Variants in CTNNA2 observed in about 807,000 individuals in gnomAD.
CTNNA2 encodes the protein catenin alpha-2.
CTNNA2 carries 42 observed loss-of-function variants against 101.0 expected under a neutral mutation model. The ratio of observed to expected loss-of-function variants is 0.42; its 90% CI spans 0.32 to 0.54. CTNNA2 has a LOEUF of 0.54. CTNNA2 is among the 20% of genes least tolerant of loss of function. CTNNA2 has a pLI of 0.14. For synonymous variants in CTNNA2, 450 were observed against 456.4 expected (o/e 0.99, Z 0.18); for missense variants, 871 against 1,223.1 (o/e 0.71, Z 4.29).
intron 4 of CTNNA2, among the ~76,000 whole-genome samples, chr2:79,402,952 A>G (rs1447840897): frequency 2.6e-5 from 4 of 151,894 alleles, no homozygotes; most frequent in Admixed American, 6.6e-5. Flanking sequence ...AAGTTATGGG[A>G]TGCAGCCAAA....
At chr2:80,621,017 A>G (rs1316311094) in intron 18 of CTNNA2, among the ~76,000 whole-genome samples, 1 of 151,938 alleles carries the variant, frequency 6.6e-6, no homozygotes, top group Non-Finnish European at 1.5e-5. Context: ...TTAATTTTAA[A>G]ATACATACAT....
intron 6 of CTNNA2, among the ~76,000 whole-genome samples, chr2:79,875,834 C>A (rs1682981739): frequency 1.3e-5 from 2 of 151,744 alleles, no homozygotes; most frequent in Non-Finnish European, 2.9e-5. Context: ...CAGCGAGCAA[C>A]TGAAAATTCA....
At chr2:80,099,082 C>T (rs374039341) in intron 7 of CTNNA2, among the ~76,000 whole-genome samples, 4 of 151,938 alleles carry the variant, frequency 2.6e-5, no homozygotes, top group East Asian at 2.0e-4. Flanking sequence ...AGAAATCACC[C>T]GTCTTCTGCG....
chr2:79,739,369 T>A (rs1432518146), intron 2 of CTNNA2, among the ~76,000 whole-genome samples: 1 of 152,218 alleles, frequency 6.6e-6, no homozygotes, highest in African/African-American at 2.4e-5. Flanking sequence ...TTATGATGTA[T>A]CTTAAAGAAA....
chr2:79,677,547 C>G (rs1683268686), intron 2 of CTNNA2, among the ~76,000 whole-genome samples: 1 of 152,142 alleles, frequency 6.6e-6, no homozygotes, highest in Non-Finnish European at 1.5e-5. Context: ...CATGACAGCC[C>G]ACTTAGTATC....
At position 79,390,590 on chromosome 2, in the gene CTNNA2, TA is replaced by T. The variant is rs374280286; in HGVS notation, c.-135+16579del. 1.2e-4 allele frequency among the ~76,000 whole-genome samples: 18 copies of T among 152,304 alleles called. No individual in the cohort carries two copies. In the East Asian group the frequency reaches 1.7e-3, roughly 15 times the overall value. ...CAGCTTGATGTGGCTGCCACTTTAG[TA>T]ACACTTCAACATTGTTCAGTGGCGT... On this transcript the variant is annotated intron_variant, in intron 4 of 21. Coordinates refer to the CTNNA2 transcript ENST00000466387.
intron 3 of CTNNA2, among the ~76,000 whole-genome samples, chr2:79,814,611 A>ACG (rs1238274898): frequency 1.5e-5 from 2 of 134,676 alleles, no homozygotes; most frequent in African/African-American, 6.1e-5. Context: ...GTGTGTATAC[A>ACG]CACACACACA....
chr2:80,473,007 C>T (rs1685430299), intron 9 of CTNNA2, among the ~76,000 whole-genome samples: 1 of 152,106 alleles, frequency 6.6e-6, no homozygotes, highest in African/African-American at 2.4e-5. Context: ...CCCTTAAAGG[C>T]ATCACACAGT....
chr2:80,563,385 C>T (rs1352874511), intron 12 of CTNNA2, among the ~76,000 whole-genome samples: 6 of 152,178 alleles, frequency 3.9e-5, no homozygotes, highest in African/African-American at 1.4e-4. Flanking sequence ...TTTGGAAGCA[C>T]ATGTGGTACA....
intron 8 of CTNNA2, among the ~76,000 whole-genome samples, chr2:80,394,961 A>G (rs1299432437): frequency 7.2e-6 from 1 of 139,596 alleles, no homozygotes; most frequent in African/African-American, 3.3e-5. Context: ...CCTTGGTCTC[A>G]GTAGTGATTA....
intron 7 of CTNNA2, among the ~76,000 whole-genome samples, chr2:79,983,837 T>A (rs1235841964): frequency 2.0e-5 from 3 of 152,174 alleles, no homozygotes; most frequent in Non-Finnish European, 2.9e-5. Context: ...TCTCTTTGGG[T>A]TTAAATGAAT....
At position 80,619,313 on chromosome 2, in the gene CTNNA2, A is replaced by G. The variant is rs563671934; in HGVS notation, c.2574+85A>G. On this transcript the variant is annotated intron_variant, in intron 18 of 18. Transcript: ENST00000402739. ...GGGGGGATTGGATTTTAGGGAAATA[A>G]AAATGTGCCCACTGAAGGCCTCTTA... The G allele has an allele frequency of 7.5e-6, 10 of 1,339,378 alleles. No homozygotes were observed. The African/African-American group carries it at 1.2e-4, about 16-fold the overall frequency. 83.0% of individuals were successfully genotyped at this position (1,339,378 alleles called of 1,614,324 possible).
chr2:79,255,602 G>A (rs1273722921), intron 2 of CTNNA2, among the ~76,000 whole-genome samples: 1 of 152,138 alleles, frequency 6.6e-6, no homozygotes, highest in Non-Finnish European at 1.5e-5. Flanking sequence ...GGGGATTGAG[G>A]TATAAAAGAC....
rs1671543154 is a variant in CTNNA2, at chr2:79,745,002, T to G, written c.298+420T>G. Among the ~76,000 whole-genome samples the G allele has an allele frequency of 2.0e-5, 3 of 152,232 alleles. No homozygotes were observed. The South Asian group carries it at 6.2e-4, about 32-fold the overall frequency. ...TTCTGCAAGTCTCAAATTCATGTTT[T>G]CAGTTCATAGATTTCCTCACAAATG... is the stretch of plus-strand genomic sequence containing the variant. On this transcript the variant is annotated intron_variant, in intron 3 of 18. Transcript: ENST00000402739.
intron 3 of CTNNA2, among the ~76,000 whole-genome samples, chr2:79,856,386 G>C (rs927037773): frequency 6.6e-6 from 1 of 152,116 alleles, no homozygotes; most frequent in South Asian, 2.1e-4. Context: ...CTAATTACAG[G>C]ATGCACAGAC....
intron 1 of CTNNA2, among the ~76,000 whole-genome samples, chr2:79,629,829 G>A (rs1318748512): frequency 6.6e-6 from 1 of 152,046 alleles, no homozygotes; most frequent in Admixed American, 6.6e-5. Flanking sequence ...TTTGTGCCTT[G>A]CTGAACCTGG....
intron 2 of CTNNA2, among the ~76,000 whole-genome samples, chr2:79,269,204 G>A (rs1675029418): frequency 6.6e-6 from 1 of 152,068 alleles, no homozygotes; most frequent in Admixed American, 6.5e-5. Flanking sequence ...AAAAAGCTAA[G>A]CACCTGAAAA....
chr2:80,013,053 C>G (rs918783234), intron 7 of CTNNA2, among the ~76,000 whole-genome samples: 3 of 152,076 alleles, frequency 2.0e-5, no homozygotes, highest in African/African-American at 7.2e-5. Flanking sequence ...GTAATCCTAG[C>G]TACTCAGGAG....
intron 9 of CTNNA2, among the ~76,000 whole-genome samples, chr2:80,455,520 C>T (rs920641241): frequency 2.0e-5 from 3 of 152,126 alleles, no homozygotes; most frequent in African/African-American, 4.8e-5. Context: ...ATTAGGTCTC[C>T]GTGAAGTTGC....
Sources: allele counts gnomAD v4.1 joint callset (sites outside exome capture counted in the v4.1 genomes callset), GRCh38; gene constraint gnomAD v4.1.1; transcripts MANE v1.5; gene names NCBI Gene and HGNC (gene_info 2026-07-23, HGNC 2026-07-21).